UBR2: variants seen among roughly 807,000 people sequenced by gnomAD.
UBR2 encodes the protein E3 ubiquitin-protein ligase UBR2.
In UBR2, 92 loss-of-function variants were observed where a neutral mutation model predicts 247.9. The observed-to-expected ratio is 0.37, with a 90% confidence interval of 0.31 to 0.44. UBR2 has a LOEUF of 0.44. Ranked by LOEUF, UBR2 falls within the 20% of genes least tolerant of loss-of-function variation. UBR2 has a pLI of 1.00. For synonymous variants in UBR2, 672 were observed against 693.5 expected, an observed-to-expected ratio of 0.97 and a Z score of 0.49; for missense variants, 1,613 against 2,112.6, an observed-to-expected ratio of 0.76 and a Z score of 4.64.
At chr6:42,566,475 C>T (rs1377890007) in intron 1 of UBR2, among the ~76,000 whole-genome samples, 1 of 152,160 alleles carries the variant, frequency 6.6e-6, no homozygotes, top group Non-Finnish European at 1.5e-5. Context: ...ACCTCCGCCT[C>T]CGGGGTTCAA....
intron 11 of UBR2, among the ~76,000 whole-genome samples, chr6:42,629,288 A>G (rs1224922130): frequency 1.3e-5 from 2 of 151,876 alleles, no homozygotes; most frequent in Non-Finnish European, 2.9e-5. Flanking sequence ...AAGTGCTCAG[A>G]TTACAGGCGT....
chr6:42,670,144 A>C lies in UBR2; in HGVS notation c.3934A>C (p.Thr1312Pro), dbSNP rs1434542355. 6.8e-6 allele frequency: 11 copies of C among 1,614,046 alleles called. No individual in the cohort carries two copies. Among genetic ancestry groups the C allele is most frequent in the Non-Finnish European group, 9.3e-6 (11 of 1,180,030 alleles). ...KEMLTTFGTA[T>P]YKVGLKVHPN... Reference sequence around the variant, plus strand: ...AATGCTAACGACATTTGGAACTGCTACCTACAAGGTGGGACTAAAGGTTCA... The same window carrying C: ...AATGCTAACGACATTTGGAACTGCTCCCTACAAGGTGGGACTAAAGGTTCA... Residue 1312 changes from threonine to proline, a missense_variant, in exon 35 of 47, where the codon ACC (threonine) becomes CCC (proline). Around this residue, in one of 3 missense-constraint regions of UBR2, gnomAD observed 1,524 missense variants for 1,967.3 expected, o/e 0.77. Coordinates refer to ENST00000372901, the MANE Select transcript of UBR2 (RefSeq NM_001363705.2).
chr6:42,675,300 T>C (rs1325122890), intron 38 of UBR2, among the ~76,000 whole-genome samples: 1 of 152,202 alleles, frequency 6.6e-6, no homozygotes, highest in Non-Finnish European at 1.5e-5. Flanking sequence ...CTCTACAATT[T>C]ACATGTAACA....
At chr6:42,651,999 C>A in intron 23 of UBR2, 24 bp from the exon 24 acceptor site, 1 of 1,576,710 alleles carries the variant, frequency 6.3e-7, no homozygotes, top group Non-Finnish European at 8.6e-7. Flanking sequence ...AATTCCCGGT[C>A]CAAATAACTT....
chr6:42,651,847 C>G (rs984099968), intron 23 of UBR2, among the ~76,000 whole-genome samples, 176 bp from the exon 24 acceptor site: 1 of 152,060 alleles, frequency 6.6e-6, no homozygotes, highest in Admixed American at 6.6e-5. Context: ...CACATTGGCT[C>G]ATGCCTGTAA....
At chr6:42,636,933 C>CA in intron 14 of UBR2, 78 bp from the exon 15 acceptor site, 2 of 1,462,130 alleles carry the variant, frequency 1.4e-6, no homozygotes, top group Non-Finnish European at 1.9e-6. Context: ...GGTACTTACT[C>CA]ACTGAATTTA....
At chr6:42,646,983 G>A (rs1002293721) in intron 21 of UBR2, among the ~76,000 whole-genome samples, 10 of 151,746 alleles carry the variant, frequency 6.6e-5, no homozygotes, top group Admixed American at 3.3e-4. Flanking sequence ...CACCATGCCC[G>A]GCTAATTTTT....
intron 2 of UBR2, among the ~76,000 whole-genome samples, chr6:42,584,767 TA>T (rs1436039301): frequency 1.3e-5 from 2 of 152,206 alleles, no homozygotes; most frequent in Non-Finnish European, 2.9e-5. Context: ...TAATTTATGA[TA>T]TTTTTTCTGA....
chr6:42,595,629 C>T (rs573685904), intron 4 of UBR2, among the ~76,000 whole-genome samples: 2 of 151,752 alleles, frequency 1.3e-5, no homozygotes, highest in East Asian at 3.9e-4. Context: ...CCTGTGGTCC[C>T]AGCCACTTGG....
intron 23 of UBR2, 83 bp downstream of exon 23, chr6:42,650,469 TAG>T: frequency 8.5e-7 from 1 of 1,181,554 alleles, no homozygotes; most frequent in Non-Finnish European, 1.2e-6. Context: ...TTGCCCAGGC[TAG>T]AGTTTGGTGG....
At position 42,592,275 on chromosome 6, in the gene UBR2, A is replaced by G. The variant is rs553155533; in HGVS notation, c.417+46A>G. On this transcript the variant is annotated intron_variant, in intron 3 of 46. Coordinates refer to ENST00000372901, the MANE Select transcript of UBR2 (RefSeq NM_001363705.2). ...AACCATGCGCAGTATTGCATTTTATAATAAATATCTTTTCTTTCTTTTCAA... is the reference window on the plus strand; with the variant it reads ...AACCATGCGCAGTATTGCATTTTATGATAAATATCTTTTCTTTCTTTTCAA... 6.7e-6 allele frequency: 9 copies of G among 1,344,988 alleles called. No homozygotes were observed. The African/African-American group carries it at 1.4e-4, about 20-fold the overall frequency. The allele number at this position is 1,344,988 out of a possible 1,614,324, so 83.3% of individuals were successfully genotyped here. A position where few individuals can be genotyped will look rare whatever the true frequency, so the allele number is the denominator to read the frequency against.
At chr6:42,619,443 AT>A (rs1794801413) in intron 11 of UBR2, 1 of 29,330 alleles carries the variant, frequency 3.4e-5, no homozygotes, top group Non-Finnish European at 6.6e-5. Flanking sequence ...ATATATATAT[AT>A]ATATATATAT....
chr6:42,658,552 T>G, intron 28 of UBR2, 94 bp from the exon 29 acceptor site: 1 of 1,268,514 alleles, frequency 7.9e-7, no homozygotes, highest in South Asian at 1.7e-5. Context: ...TAGAATAGTT[T>G]TTTAATTGGT....
intron 2 of UBR2, among the ~76,000 whole-genome samples, chr6:42,576,012 C>A (rs548276744): frequency 1.3e-3 from 193 of 151,876 alleles, no homozygotes; most frequent in African/African-American, 4.5e-3. Context: ...AGCTCTTTTT[C>A]TTTTCCTTTC....
chr6:42,592,150 G>C lies in UBR2; in HGVS notation c.339-1G>C. The C allele has an allele frequency of 1.3e-6, 2 of 1,600,006 alleles. No homozygotes were observed. The highest frequency in any genetic ancestry group is 1.7e-6 in the Non-Finnish European group (2 of 1,175,790). On this transcript the variant is annotated splice_acceptor_variant, in intron 2 of 46. Transcript: ENST00000372901. LOFTEE classifies it high-confidence loss of function. ...TTGATTTTTTTTTTTTAACTTTACA[G>C]AGACTGTGCAGTTGATCCAACTTGT...
chr6:42,626,825 G>A (rs1795377634), intron 11 of UBR2, among the ~76,000 whole-genome samples: 1 of 152,152 alleles, frequency 6.6e-6, no homozygotes, highest in Non-Finnish European at 1.5e-5. Context: ...GTTGAACTCA[G>A]TTCCCCCTGC....
chr6:42,663,219 TA>T (rs1426662521), intron 31 of UBR2, 38 bp from the exon 32 acceptor site: 1 of 1,455,744 alleles, frequency 6.9e-7, no homozygotes. Flanking sequence ...TTATGTAAAT[TA>T]CCATTGTTTT....
chr6:42,606,238 A>G (rs1011263404), intron 6 of UBR2, among the ~76,000 whole-genome samples: 2 of 151,852 alleles, frequency 1.3e-5, no homozygotes, highest in Non-Finnish European at 2.9e-5. Context: ...GCGAGACTCC[A>G]TCTCAAAAAA....
intron 23 of UBR2, among the ~76,000 whole-genome samples, chr6:42,651,571 G>T (rs572897197): frequency 1.7e-3 from 255 of 152,000 alleles, no homozygotes; most frequent in African/African-American, 6.0e-3. Context: ...GCTCACTAGA[G>T]CCCCTGCCTC....
Sources: gnomAD v4.1 joint callset for allele counts (sites outside exome capture counted in the v4.1 genomes callset) on GRCh38, gnomAD v4.1.1 for gene constraint, gnomAD v4.1.1 regional missense constraint, MANE v1.5 for transcripts, NCBI Gene and HGNC (gene_info 2026-07-23, HGNC 2026-07-21) for gene names.